KLRG1: variants seen among roughly 807,000 people sequenced by gnomAD.
KLRG1 encodes killer cell lectin-like receptor subfamily G member 1.
Under a neutral mutation model 21.8 loss-of-function variants are expected in KLRG1, and 16 were observed. The observed-to-expected ratio is 0.73, with a 90% confidence interval of 0.50 to 1.11. KLRG1 has a LOEUF of 1.11. Among genes scored for constraint, KLRG1 ranks in the 50% most tolerant of loss-of-function variants. KLRG1 has a pLI of 0.00. For synonymous variants in KLRG1, 69 were observed against 75.9 expected, an observed-to-expected ratio of 0.91 and a Z score of 0.47; for missense variants, 173 against 218.3, an observed-to-expected ratio of 0.79 and a Z score of 1.31.
the KLRG1 span, among the ~76,000 whole-genome samples, chr12:9,081,149 G>A: frequency 5.3e-5 from 8 of 152,060 alleles, no homozygotes; most frequent in Non-Finnish European, 1.0e-4. Flanking sequence ...AAGAATTAGT[G>A]TCATACAACT....
At chr12:9,212,116 T>A in the KLRG1 span, among the ~76,000 whole-genome samples, 1 of 152,182 alleles carries the variant, frequency 6.6e-6, no homozygotes, top group Non-Finnish European at 1.5e-5. Context: ...AGATTGCAGC[T>A]GAGAGAAAAG....
At chr12:9,128,668 T>C in the KLRG1 span, 2 of 152,018 alleles carry the variant, frequency 1.3e-5, no homozygotes, top group East Asian at 3.9e-4. Flanking sequence ...GGGCTTCTGC[T>C]CTCCTTCAGA....
At chr12:8,989,862 A>G in intron 1 of KLRG1, 145 bp downstream of exon 1, 1 of 591,118 alleles carries the variant, frequency 1.7e-6, no homozygotes, top group Non-Finnish European at 3.0e-6. Context: ...TAAAGTCCAG[A>G]GTTGGAATAT....
At chr12:8,974,063 G>T (rs1946615572) in intron 1 of KLRG1, among the ~76,000 whole-genome samples, 2 of 151,704 alleles carry the variant, frequency 1.3e-5, no homozygotes, top group South Asian at 4.2e-4. Context: ...CTCTGGCTAG[G>T]ATATCCAGCA....
the KLRG1 span, among the ~76,000 whole-genome samples, chr12:9,060,163 T>C: frequency 1.3e-5 from 2 of 151,734 alleles, no homozygotes; most frequent in Admixed American, 6.6e-5. Flanking sequence ...CGCCACCACA[T>C]CCGGCTAATT....
At chr12:9,077,583 A>G in the KLRG1 span, 1 of 1,515,604 alleles carries the variant, frequency 6.6e-7, no homozygotes, top group African/African-American at 1.4e-5. Flanking sequence ...TTTTGGTGCC[A>G]TCCAGGTTTT....
rs970111683 is a variant in KLRG1 at position 9,009,947 on chromosome 12, T to G, written c.*410T>G. Reference sequence around the variant, plus strand: ...GTGTACTAGAGAAGTACATTATTGCTGTACTCCTCTGTACATTACTGATCC... The same window carrying G: ...GTGTACTAGAGAAGTACATTATTGCGGTACTCCTCTGTACATTACTGATCC... On this transcript the variant is annotated 3_prime_UTR_variant, in exon 5 of 5. Coordinates refer to ENST00000356986, the MANE Select transcript of KLRG1 (RefSeq NM_005810.4). The G allele has an allele frequency of 7.0e-5, 106 of 1,523,594 alleles. No individual in the cohort carries two copies. The East Asian group carries it at 7.6e-4, about 11-fold the overall frequency. 94.4% of individuals were successfully genotyped at this position (1,523,594 alleles called of 1,614,324 possible).
At chr12:8,983,460 G>T (rs1465734642) in intron 1 of KLRG1, among the ~76,000 whole-genome samples, 1 of 142,988 alleles carries the variant, frequency 7.0e-6, no homozygotes, top group African/African-American at 2.7e-5. Context: ...GAGTGTAATG[G>T]TGCAATCTCA....
chr12:9,163,638 A>C, the KLRG1 span: 8 of 1,609,222 alleles, frequency 5.0e-6, no homozygotes, highest in Non-Finnish European at 6.8e-6. Flanking sequence ...GCATTCTTAC[A>C]GTTGTTAGGG....
At chr12:9,103,307 T>C in the KLRG1 span, among the ~76,000 whole-genome samples, 2 of 152,266 alleles carry the variant, frequency 1.3e-5, no homozygotes, top group South Asian at 2.1e-4. Flanking sequence ...GATAAGGAAA[T>C]GAAGCACAGA....
chr12:9,128,490 G>C, the KLRG1 span: 1 of 152,504 alleles, frequency 6.6e-6, no homozygotes. Flanking sequence ...CAGCTGGTGC[G>C]GATCCAGGCT....
the KLRG1 span, among the ~76,000 whole-genome samples, chr12:9,096,799 G>A: frequency 2.6e-5 from 4 of 151,974 alleles, no homozygotes; most frequent in African/African-American, 9.7e-5. Context: ...CATAATTATT[G>A]TCTGTCTCAT....
At chr12:9,134,465 T>A in the KLRG1 span, among the ~76,000 whole-genome samples, 22 of 152,308 alleles carry the variant, frequency 1.4e-4, no homozygotes, top group East Asian at 1.2e-3. Flanking sequence ...ATTGTAAGTG[T>A]ACAATATATT....
the KLRG1 span, among the ~76,000 whole-genome samples, chr12:9,027,219 C>T: frequency 6.6e-5 from 10 of 150,736 alleles, no homozygotes; most frequent in East Asian, 5.8e-4. Flanking sequence ...TTCAGCCTCA[C>T]GATCAGACTA....
chr12:9,106,288 G>A, the KLRG1 span: 3 of 1,613,460 alleles, frequency 1.9e-6, no homozygotes, highest in East Asian at 2.2e-5. Context: ...TTTCACAAAT[G>A]AGAGTTTGGT....
chr12:9,120,491 C>CA, the KLRG1 span, among the ~76,000 whole-genome samples: 77 of 152,250 alleles, frequency 5.1e-4, no homozygotes, highest in Admixed American at 8.5e-4. Flanking sequence ...TGGGCCTTAA[C>CA]AAAAATAAAT....
At chr12:9,039,548 A>C in the KLRG1 span, among the ~76,000 whole-genome samples, 2 of 152,070 alleles carry the variant, frequency 1.3e-5, no homozygotes, top group African/African-American at 4.8e-5. Flanking sequence ...GTCTTACTAC[A>C]CATTATTCTC....
the KLRG1 span, chr12:9,079,935 C>CTAAAA: frequency 9.1e-7 from 1 of 1,096,604 alleles, no homozygotes. Flanking sequence ...ATGATTCTTC[C>CTAAAA]AGGGATAGAA....
chr12:9,154,483 T>C, the KLRG1 span: 2 of 903,284 alleles, frequency 2.2e-6, no homozygotes, highest in Non-Finnish European at 1.7e-6. Context: ...TAAATTCTCA[T>C]GGTCCTCAAA....
Sources: allele counts gnomAD v4.1 joint callset (sites outside exome capture counted in the v4.1 genomes callset), GRCh38; gene constraint gnomAD v4.1.1; transcripts MANE v1.5; gene names NCBI Gene and HGNC (gene_info 2026-07-23, HGNC 2026-07-21).